The following DPP6 variants were observed in gnomAD, a reference collection of about 807,000 sequenced individuals.
DPP6 encodes the protein A-type potassium channel modulatory protein DPP6.
In DPP6, 69 loss-of-function variants were observed where a neutral mutation model predicts 122.6. The ratio of observed to expected loss-of-function variants is 0.56; its 90% CI spans 0.46 to 0.69. The LOEUF is 0.69. Among genes scored for constraint, DPP6 ranks in the 30% least tolerant of loss-of-function variants. DPP6 has a pLI of 0.00. For synonymous variants in DPP6, 418 were observed against 433.1 expected (o/e 0.97, Z 0.43); for missense variants, 928 against 1,116.9 (o/e 0.83, Z 2.41).
chr7:153,866,359 A>G, the DPP6 span, among the ~76,000 whole-genome samples: 1 of 152,124 alleles, frequency 6.6e-6, no homozygotes, highest in African/African-American at 2.4e-5. Flanking sequence ...CTAGTGTGAG[A>G]TGGTATCTCA....
chr7:153,778,784 T>C, the DPP6 span, among the ~76,000 whole-genome samples: 2 of 151,772 alleles, frequency 1.3e-5, no homozygotes, highest in South Asian at 4.2e-4. Context: ...GTCAGTTTCT[T>C]GTAAAGTTAG....
At chr7:154,569,746 AT>A (rs1198475142) in intron 5 of DPP6, among the ~76,000 whole-genome samples, 4 of 151,620 alleles carry the variant, frequency 2.6e-5, no homozygotes, top group Admixed American at 6.6e-5. Context: ...AAAAAAAAAA[AT>A]CCTACTATCC....
intron 1 of DPP6, among the ~76,000 whole-genome samples, chr7:154,430,113 G>A (rs1448255683): frequency 1.3e-5 from 2 of 152,120 alleles, no homozygotes; most frequent in African/African-American, 2.4e-5. Flanking sequence ...GCACTGTTGC[G>A]CTCGCCTCCA....
At chr7:154,006,726 G>A (rs1181823571) in intron 1 of DPP6, among the ~76,000 whole-genome samples, 1 of 152,214 alleles carries the variant, frequency 6.6e-6, no homozygotes, top group African/African-American at 2.4e-5. Flanking sequence ...CCAAGAAAAT[G>A]CAATAAGCTA....
intron 1 of DPP6, among the ~76,000 whole-genome samples, chr7:154,307,689 T>C (rs1806476489): frequency 1.3e-5 from 2 of 152,160 alleles, no homozygotes; most frequent in African/African-American, 4.8e-5. Flanking sequence ...TCCTGCATTA[T>C]ATATAATTTT....
At chr7:154,872,588 G>GC in intron 18 of DPP6, 36 bp from the exon 19 acceptor site, 1 of 1,572,276 alleles carries the variant, frequency 6.4e-7, no homozygotes, top group Non-Finnish European at 8.6e-7. Flanking sequence ...GGCCAGCATT[G>GC]CCCCCTAACC....
intron 3 of DPP6, among the ~76,000 whole-genome samples, chr7:154,509,788 A>G (rs1011633318): frequency 2.6e-5 from 4 of 152,214 alleles, no homozygotes; most frequent in Non-Finnish European, 5.9e-5. Context: ...GATTCCTGCT[A>G]CATGCTACGT....
intron 1 of DPP6, among the ~76,000 whole-genome samples, chr7:154,097,596 A>G (rs1805420163): frequency 6.6e-6 from 1 of 152,278 alleles, no homozygotes; most frequent in Admixed American, 6.5e-5. Context: ...GAAATTAGAC[A>G]CTTATATAAT....
intron 3 of DPP6, among the ~76,000 whole-genome samples, chr7:154,524,460 G>A: frequency 6.6e-6 from 1 of 152,180 alleles, no homozygotes; most frequent in Admixed American, 6.5e-5. Flanking sequence ...GGCAGGTGGT[G>A]GTTAGGGAAC....
At chr7:154,542,958 C>G (rs1035191146) in intron 4 of DPP6, among the ~76,000 whole-genome samples, 1 of 152,182 alleles carries the variant, frequency 6.6e-6, no homozygotes, top group Non-Finnish European at 1.5e-5. Flanking sequence ...TCTGTGAGAT[C>G]CAGCAATGGA....
At chr7:154,617,699 T>C (rs942385713) in intron 5 of DPP6, among the ~76,000 whole-genome samples, 4 of 152,218 alleles carry the variant, frequency 2.6e-5, no homozygotes, top group Admixed American at 6.5e-5. Flanking sequence ...TACTGGAGTA[T>C]GTATTACTAG....
At chr7:154,639,746 G>A (rs1043912953) in intron 6 of DPP6, among the ~76,000 whole-genome samples, 7 of 152,138 alleles carry the variant, frequency 4.6e-5, no homozygotes, top group Admixed American at 1.3e-4. Context: ...CAACACGGAG[G>A]GAGCTGCTTC....
intron 1 of DPP6, among the ~76,000 whole-genome samples, chr7:154,061,556 C>T (rs1801885393): frequency 1.4e-5 from 2 of 146,740 alleles, no homozygotes; most frequent in East Asian, 2.0e-4. Flanking sequence ...TAAAGGCCCC[C>T]CATTTTGTGA....
chr7:153,846,899 C>G, the DPP6 span, among the ~76,000 whole-genome samples: 17 of 152,046 alleles, frequency 1.1e-4, 1 homozygote, highest in Admixed American at 9.8e-4. Context: ...GGGTTTCACC[C>G]TGTTAGCCAG....
intron 1 of DPP6, among the ~76,000 whole-genome samples, chr7:154,081,604 C>T (rs1280962572): frequency 1.3e-5 from 2 of 148,150 alleles, no homozygotes; most frequent in African/African-American, 2.6e-5. Flanking sequence ...GAAAGGCGGG[C>T]CTTGGTTCAT....
chr7:154,642,597 A>G (rs1405860787), intron 6 of DPP6, among the ~76,000 whole-genome samples: 1 of 149,254 alleles, frequency 6.7e-6, no homozygotes, highest in African/African-American at 2.5e-5. Flanking sequence ...CTCAAAAAAC[A>G]AAACAAAACA....
chr7:154,660,648 T>C lies in DPP6; in HGVS notation c.681-8712T>C, dbSNP rs569632528. Among the ~76,000 whole-genome samples the C allele has an allele frequency of 3.1e-4, 43 of 136,992 alleles. 3 individuals are homozygous for C. Among genetic ancestry groups the C allele is most frequent in the African/African-American group, 1.2e-3 (38 of 32,966 alleles). The allele number at this position is 136,992 out of a possible 152,430, so 89.9% of individuals were successfully genotyped here. On this transcript the variant is annotated intron_variant, in intron 6 of 25. Coordinates refer to ENST00000377770, the MANE Select transcript of DPP6 (RefSeq NM_130797.4). ...GTAGTGTTCATATACTCATGGTGAA[T>C]CACCATGGCGTATTGGCCGTAGTAT...
chr7:153,884,990 AT>A (rs1563204690), upstream of DPP6, among the ~76,000 whole-genome samples: 69 of 11,080 alleles, frequency 6.2e-3, no homozygotes, highest in South Asian at 0.012. Flanking sequence ...AAACAAAAAT[AT>A]ATATATATAT....
intron 1 of DPP6, among the ~76,000 whole-genome samples, chr7:154,008,945 G>A (rs1413961633): frequency 6.7e-6 from 1 of 148,186 alleles, no homozygotes; most frequent in Admixed American, 6.7e-5. Context: ...GATTACAGGC[G>A]TGAGCCACCG....
Sources: gnomAD v4.1 joint callset for allele counts (sites outside exome capture counted in the v4.1 genomes callset) on GRCh38, gnomAD v4.1.1 for gene constraint, MANE v1.5 for transcripts, NCBI Gene and HGNC (gene_info 2026-07-23, HGNC 2026-07-21) for gene names.